The following SLC44A5 variants were observed in gnomAD, a reference collection of about 807,000 sequenced individuals.
The protein encoded by SLC44A5 is solute carrier family 44 member 5.
Under a neutral mutation model 101.8 loss-of-function variants are expected in SLC44A5, and 57 were observed. The observed-to-expected ratio is 0.56, with a 90% CI of 0.45 to 0.70. The LOEUF (loss-of-function observed/expected upper bound fraction) is 0.70. Among genes scored for constraint, SLC44A5 ranks in the 30% least tolerant of loss-of-function variants. The pLI is 0.00. For missense variants in SLC44A5, 737 were observed against 853.1 expected (o/e 0.86, Z 1.70); for synonymous variants, 281 against 290.9 (o/e 0.97, Z 0.35).
chr1:75,393,455 A>G (rs974403729), intron 3 of SLC44A5, among the ~76,000 whole-genome samples: 1 of 152,216 alleles, frequency 6.6e-6, no homozygotes, highest in Non-Finnish European at 1.5e-5. Context: ...TATACTTTAA[A>G]GTAATATATG....
At chr1:75,357,238 A>G (rs1184773914) in intron 3 of SLC44A5, 4 of 455,888 alleles carry the variant, frequency 8.8e-6, no homozygotes, top group South Asian at 3.1e-5. Context: ...TAAAAGAACC[A>G]AGAGCACTTC....
rs1557791680 is a variant in SLC44A5 at position 75,445,533 on chromosome 1, C to CATAATATATACATATAT, written c.14-48913_14-48912insATATATGTATATATTAT. On this transcript the variant is annotated intron_variant, in intron 2 of 23. Transcript: ENST00000370859. Reference sequence around the variant, plus strand: ...CACAATATAATATATGTATATATTACGTAATATATACATATATATGTATAA... The same window carrying CATAATATATACATATAT: ...CACAATATAATATATGTATATATTACATAATATATACATATATGTAATATATACATATATATGTATAA... Among the ~76,000 whole-genome samples the CATAATATATACATATAT allele has an allele frequency of 4.3e-3, 636 of 146,732 alleles. 9 individuals carry two copies. Among genetic ancestry groups the CATAATATATACATATAT allele is most frequent in the African/African-American group, 0.015 (609 of 39,750 alleles).
chr1:75,220,010 A>C (rs1430092911), intron 14 of SLC44A5, 118 bp from the exon 15 acceptor site: 11 of 558,300 alleles, frequency 2.0e-5, no homozygotes, highest in Non-Finnish European at 3.4e-5. Flanking sequence ...TCATTCTGGC[A>C]TATTCTCAGT....
At chr1:75,578,725 G>C (rs1404145114) in intron 1 of SLC44A5, among the ~76,000 whole-genome samples, 1 of 152,024 alleles carries the variant, frequency 6.6e-6, no homozygotes, top group African/African-American at 2.4e-5. Flanking sequence ...GTACAACATA[G>C]TAAAACATAG....
chr1:75,207,648 G>C (rs1262982325), intron 23 of SLC44A5, among the ~76,000 whole-genome samples: 3 of 152,142 alleles, frequency 2.0e-5, no homozygotes, highest in Non-Finnish European at 4.4e-5. Context: ...GAGGGAACAT[G>C]ATAGACGCTG....
intron 14 of SLC44A5, among the ~76,000 whole-genome samples, 196 bp downstream of exon 14, chr1:75,222,165 A>G (rs1256919909): frequency 6.6e-6 from 1 of 152,098 alleles, no homozygotes; most frequent in East Asian, 1.9e-4. Flanking sequence ...CATGTTGGTC[A>G]GGCTGGTCTC....
the SLC44A5 span, among the ~76,000 whole-genome samples, chr1:75,628,891 A>G: frequency 6.6e-6 from 1 of 152,130 alleles, no homozygotes. Context: ...AATATGAGTA[A>G]CCCTTAGAGG....
intron 5 of SLC44A5, among the ~76,000 whole-genome samples, chr1:75,290,444 G>A (rs536269958): frequency 6.6e-6 from 1 of 152,168 alleles, no homozygotes; most frequent in South Asian, 2.1e-4. Context: ...GGCACCAATA[G>A]GGAGCAGTTT....
At chr1:75,523,887 A>AT (rs1211672936) in intron 2 of SLC44A5, among the ~76,000 whole-genome samples, 3 of 152,156 alleles carry the variant, frequency 2.0e-5, no homozygotes, top group Non-Finnish European at 4.4e-5. Flanking sequence ...AAAACAAAGA[A>AT]TTTTCTGGGC....
rs1315070800 is a variant in SLC44A5, at chr1:75,373,206, G to GA, written c.52+23376dup. ...AATGTAGAGTAAACCATTATACTTT[G>GA]AAAAAATATTTTGAGAGAAAACACC... On this transcript the variant is annotated intron_variant, in intron 3 of 23. Transcript: ENST00000370859. 2.6e-5 allele frequency among the ~76,000 whole-genome samples: 4 copies of GA among 152,058 alleles called. No homozygotes were observed. The East Asian group carries it at 7.7e-4, about 29-fold the overall frequency.
intron 2 of SLC44A5, among the ~76,000 whole-genome samples, chr1:75,512,860 C>T (rs150024453): frequency 2.6e-5 from 4 of 152,264 alleles, no homozygotes; most frequent in African/African-American, 9.6e-5. Flanking sequence ...ATATTTTATG[C>T]CATGAGTTTC....
chr1:75,502,541 CTTTT>C (rs968686280), intron 2 of SLC44A5, among the ~76,000 whole-genome samples: 2 of 149,444 alleles, frequency 1.3e-5, no homozygotes, highest in South Asian at 2.1e-4. Flanking sequence ...TCTCTACTTT[CTTTT>C]TTATTTGTTT....
chr1:75,544,505 A>G (rs917234014), intron 1 of SLC44A5, among the ~76,000 whole-genome samples: 17 of 147,986 alleles, frequency 1.1e-4, no homozygotes, highest in South Asian at 4.2e-4. Context: ...GTGCATGTGC[A>G]CACACACACA....
chr1:75,440,434 G>A (rs886450720), intron 2 of SLC44A5, among the ~76,000 whole-genome samples: 4 of 152,102 alleles, frequency 2.6e-5, no homozygotes, highest in African/African-American at 9.7e-5. Context: ...TGCCAGTGTG[G>A]CCATAGCAGT....
chr1:75,262,417 A>G (rs1257836310), intron 6 of SLC44A5, among the ~76,000 whole-genome samples: 1 of 152,198 alleles, frequency 6.6e-6, no homozygotes, highest in African/African-American at 2.4e-5. Flanking sequence ...TAGGAATCCA[A>G]CTTACAAGGG....
At position 75,218,659 on chromosome 1, in the gene SLC44A5, G is replaced by T; in HGVS notation, c.1360C>A (p.Pro454Thr). Residue 454 changes from proline to threonine, a missense_variant, in exon 17 of 24, where the codon CCT becomes ACT. Physicochemically the swap from Pro to Thr is conservative, Grantham distance 38. This residue lies in a region of SLC44A5 where 665 missense variants were observed against 764.4 expected (regional missense o/e 0.87). Coordinates refer to ENST00000370859, the MANE Select transcript of SLC44A5 (RefSeq NM_001130058.2). ...AATAAGTTGTATACATGGAAGGTAG[G>T]GATGTACTGATGGTACAAGCTCTTT... ...GGKSLYHQYI[P>T]TFHVYNLFVF... 1 of 1,613,800 alleles carries T rather than the reference G, an allele frequency of 6.2e-7. No homozygotes were observed. Among genetic ancestry groups the T allele is most frequent in the Non-Finnish European group, 8.5e-7 (1 of 1,179,758 alleles).
intron 12 of SLC44A5, 100 bp from the exon 13 acceptor site, chr1:75,227,957 G>A: frequency 1.1e-6 from 1 of 937,380 alleles, no homozygotes; most frequent in Admixed American, 3.7e-5. Flanking sequence ...TGATCAGCAT[G>A]GTAATTTCTG....
At chr1:75,606,726 A>G (rs966453888) in intron 1 of SLC44A5, among the ~76,000 whole-genome samples, 1 of 151,986 alleles carries the variant, frequency 6.6e-6, no homozygotes, top group South Asian at 2.1e-4. Context: ...AATGACTTTC[A>G]TATTAATAAA....
chr1:75,585,420 G>A (rs1298621960), intron 1 of SLC44A5, among the ~76,000 whole-genome samples: 7 of 152,022 alleles, frequency 4.6e-5, no homozygotes, highest in South Asian at 2.1e-4. Flanking sequence ...GCATCCTCTC[G>A]AAGCCTCAAT....
Sources: gnomAD v4.1 joint callset for allele counts (sites outside exome capture counted in the v4.1 genomes callset) on GRCh38, gnomAD v4.1.1 for gene constraint, gnomAD v4.1.1 regional missense constraint, MANE v1.5 for transcripts, NCBI Gene and HGNC (gene_info 2026-07-23, HGNC 2026-07-21) for gene names.